Variants in CDH1 observed in about 807,000 individuals in gnomAD.
The protein encoded by CDH1 is cadherin 1.
Under a neutral mutation model 84.5 loss-of-function variants are expected in CDH1, and 35 were observed. The ratio of observed to expected loss-of-function variants is 0.41; its 90% CI spans 0.32 to 0.55. The LOEUF is 0.55. Ranked by LOEUF, CDH1 falls within the 20% of genes least tolerant of loss-of-function variation. CDH1 has a pLI of 0.19. For synonymous variants in CDH1, 417 were observed against 439.0 expected (o/e 0.95, Z 0.63); for missense variants, 994 against 1,126.6 (o/e 0.88, Z 1.68).
chr16:68,804,824 CTTTTTTT>C (rs5817653), intron 3 of CDH1, among the ~76,000 whole-genome samples: 2 of 69,668 alleles, frequency 2.9e-5, no homozygotes, highest in Admixed American at 2.0e-4. Context: ...GTAACAAAAT[CTTTTTTT>C]TTTTTTTTTT....
At chr16:68,808,911 C>A (rs1480384460) in intron 5 of CDH1, 63 bp downstream of exon 5, 1 of 1,529,926 alleles carries the variant, frequency 6.5e-7, no homozygotes, top group African/African-American at 1.4e-5. Context: ...TTTTGGTCAA[C>A]CCATGCTGGA....
At chr16:68,811,373 G>A in intron 6 of CDH1, among the ~76,000 whole-genome samples, 1 of 139,982 alleles carries the variant, frequency 7.1e-6, no homozygotes, top group East Asian at 2.1e-4. Context: ...TCCAGCCTGG[G>A]CAACAGGAGC....
intron 13 of CDH1, among the ~76,000 whole-genome samples, chr16:68,826,979 A>G (rs1440064783): frequency 6.6e-6 from 1 of 152,170 alleles, no homozygotes; most frequent in African/African-American, 2.4e-5. Context: ...CTGTTTAAAG[A>G]TTATGCTTCG....
At chr16:68,824,589 C>T (rs1961269681) in intron 13 of CDH1, among the ~76,000 whole-genome samples, 1 of 152,180 alleles carries the variant, frequency 6.6e-6, no homozygotes, top group African/African-American at 2.4e-5. Flanking sequence ...TGAAAATTGA[C>T]ATGGAGTAGG....
At chr16:68,833,175 G>A in intron 15 of CDH1, 115 bp from the exon 16 acceptor site, 2 of 839,700 alleles carry the variant, frequency 2.4e-6, no homozygotes, top group South Asian at 1.4e-5. Context: ...CTGCTCCGTG[G>A]TGTGCCACAA....
At chr16:68,744,410 TTCTC>T (rs1324334829) in intron 2 of CDH1, among the ~76,000 whole-genome samples, 1 of 152,190 alleles carries the variant, frequency 6.6e-6, no homozygotes, top group Non-Finnish European at 1.5e-5. Context: ...TGCTCACTCT[TTCTC>T]TCTCTATCCC....
intron 2 of CDH1, among the ~76,000 whole-genome samples, chr16:68,767,432 A>G (rs958321838): frequency 1.3e-5 from 2 of 152,106 alleles, no homozygotes; most frequent in African/African-American, 4.8e-5. Context: ...TCCTGACCTC[A>G]GGTAATTCAC....
chr16:68,814,150 G>T (rs113924758), intron 9 of CDH1, among the ~76,000 whole-genome samples: 7 of 152,230 alleles, frequency 4.6e-5, no homozygotes, highest in African/African-American at 1.7e-4. Context: ...CAGGAGAATC[G>T]CTTGAACCTA....
intron 2 of CDH1, among the ~76,000 whole-genome samples, chr16:68,797,230 T>G (rs1415123597): frequency 1.3e-5 from 2 of 152,088 alleles, no homozygotes; most frequent in African/African-American, 4.8e-5. Flanking sequence ...CTACAAACAA[T>G]AATTAAAAAT....
intron 11 of CDH1, 142 bp downstream of exon 11, chr16:68,819,567 G>C (rs916866907): frequency 5.3e-6 from 5 of 937,034 alleles, no homozygotes; most frequent in Non-Finnish European, 8.3e-6. Flanking sequence ...TAAATGTATG[G>C]AGTACAAGGG....
chr16:68,794,959 T>G (rs1332911961), intron 2 of CDH1, among the ~76,000 whole-genome samples: 3 of 152,118 alleles, frequency 2.0e-5, no homozygotes, highest in Non-Finnish European at 2.9e-5. Context: ...CCCATAGTGC[T>G]GGGATTACAG....
chr16:68,753,086 G>A (rs1383659797), intron 2 of CDH1, among the ~76,000 whole-genome samples: 2 of 151,706 alleles, frequency 1.3e-5, no homozygotes, highest in Non-Finnish European at 2.9e-5. Flanking sequence ...GGTGGCTCAC[G>A]CCTGTAATCC....
intron 10 of CDH1, among the ~76,000 whole-genome samples, chr16:68,818,965 C>G (rs994264984): frequency 2.0e-5 from 3 of 152,092 alleles, no homozygotes; most frequent in South Asian, 4.1e-4. Flanking sequence ...AAACGATTCT[C>G]CTGCCTCACC....
At chr16:68,757,323 C>T (rs974278095) in intron 2 of CDH1, among the ~76,000 whole-genome samples, 15 of 152,104 alleles carry the variant, frequency 9.9e-5, no homozygotes, top group Admixed American at 2.0e-4. Flanking sequence ...TCAAGTGATC[C>T]GCCCACCTTG....
At chr16:68,772,946 C>A (rs184873796) in intron 2 of CDH1, among the ~76,000 whole-genome samples, 293 of 152,170 alleles carry the variant, frequency 1.9e-3, no homozygotes, top group African/African-American at 6.5e-3. Context: ...AAACAAAAAC[C>A]AAAACCACCA....
Position 68,799,403 on chromosome 16 carries a change from C to T in CDH1, c.164-2267C>T, listed in dbSNP as rs760194240. 3.9e-5 allele frequency among the ~76,000 whole-genome samples: 6 copies of T among 152,134 alleles called. No individual in the cohort carries two copies. In the East Asian group the frequency reaches 7.7e-4, roughly 20 times the overall value. ...ACTCTTTGAATGACACAGCTCCCTT[C>T]GTATGAACGAGCTCTTCCTGGTTTC... On this transcript the variant is annotated intron_variant, in intron 2 of 15. Coordinates refer to ENST00000261769, the MANE Select transcript of CDH1 (RefSeq NM_004360.5).
At chr16:68,807,450 G>T (rs116320624) in intron 3 of CDH1, among the ~76,000 whole-genome samples, 3 of 152,000 alleles carry the variant, frequency 2.0e-5, no homozygotes, top group Admixed American at 6.6e-5. Flanking sequence ...CAGGAGAATC[G>T]CTTGAGCCCA....
At chr16:68,789,272 C>G (rs1597876296) in intron 2 of CDH1, among the ~76,000 whole-genome samples, 1 of 152,136 alleles carries the variant, frequency 6.6e-6, no homozygotes, top group East Asian at 1.9e-4. Context: ...CTCAAGTGAT[C>G]CGCCCACTTC....
At chr16:68,768,692 T>G (rs1015598135) in intron 2 of CDH1, among the ~76,000 whole-genome samples, 2 of 152,138 alleles carry the variant, frequency 1.3e-5, no homozygotes, top group Non-Finnish European at 2.9e-5. Context: ...CATCTCTTAA[T>G]AAAAAGAACA....
Sources: allele counts gnomAD v4.1 joint callset (sites outside exome capture counted in the v4.1 genomes callset), GRCh38; gene constraint gnomAD v4.1.1; transcripts MANE v1.5; gene names NCBI Gene and HGNC (gene_info 2026-07-23, HGNC 2026-07-21).